UBE2D2: variants seen among roughly 807,000 people sequenced by gnomAD.
UBE2D2 encodes ubiquitin-conjugating enzyme E2 D2.
Under a neutral mutation model 24.2 loss-of-function variants are expected in UBE2D2, and 2 were observed. That is an observed-to-expected ratio of 0.08 (90% CI 0.03 to 0.26). The LOEUF is 0.26. Among genes scored for constraint, UBE2D2 ranks in the 10% least tolerant of loss-of-function variants. The probability of loss-of-function intolerance (pLI) is 1.00; values close to 1 mark genes in which losing one functional copy is unlikely to be tolerated. For missense variants in UBE2D2, 44 were observed against 177.6 expected (o/e 0.25, Z 4.28); for synonymous variants, 58 against 56.5 (o/e 1.03, Z -0.12).
At chr5:139,571,938 A>G (rs1223301856) in intron 1 of UBE2D2, among the ~76,000 whole-genome samples, 1 of 151,992 alleles carries the variant, frequency 6.6e-6, no homozygotes, top group East Asian at 1.9e-4. Flanking sequence ...ATAAAAAAAA[A>G]AAAAGCAGTA....
chr5:139,583,401 C>T (rs2126667705), intron 1 of UBE2D2, among the ~76,000 whole-genome samples: 1 of 152,208 alleles, frequency 6.6e-6, no homozygotes, highest in East Asian at 1.9e-4. Flanking sequence ...TCAATTTAGC[C>T]ATTCTACAAT....
intron 1 of UBE2D2, among the ~76,000 whole-genome samples, chr5:139,550,843 T>C (rs1752908372): frequency 1.3e-5 from 2 of 152,004 alleles, no homozygotes; most frequent in Non-Finnish European, 2.9e-5. Flanking sequence ...CGTCTGAACA[T>C]CAGAAAGAAC....
At chr5:139,576,529 C>A (rs547577452) in intron 1 of UBE2D2, among the ~76,000 whole-genome samples, 2 of 152,020 alleles carry the variant, frequency 1.3e-5, no homozygotes, top group African/African-American at 4.8e-5. Flanking sequence ...CCACCACGCC[C>A]GGCAAATTTT....
chr5:139,527,046 C>T (rs1373379368), intron 1 of UBE2D2, among the ~76,000 whole-genome samples: 1 of 152,008 alleles, frequency 6.6e-6, no homozygotes, highest in African/African-American at 2.4e-5. Context: ...AAGCCCACCC[C>T]ACTGGGAACT....
chr5:139,561,432 C>G lies in UBE2D2; in HGVS notation c.-360C>G, dbSNP rs1445891089. The stretch of plus-strand genomic sequence containing the variant: ...CAGGCAATCCCTCCGGCTGTCCGAC[C>G]AAGAGAGGCCGGCCGAGCCCGAGGC... On this transcript the variant is annotated 5_prime_UTR_variant, in exon 1 of 7. Transcript: ENST00000398733. 2.0e-5 allele frequency: 5 copies of G among 250,110 alleles called. No individual in the cohort carries two copies. Among genetic ancestry groups the G allele is most frequent in the Non-Finnish European group, 3.8e-5 (5 of 130,702 alleles). The allele number at this position is 250,110 out of a possible 1,614,324, so 15.5% of individuals were successfully genotyped here. A position where few individuals can be genotyped will look rare whatever the true frequency, so the allele number is the denominator to read the frequency against.
chr5:139,552,665 C>T (rs1168778508), intron 1 of UBE2D2, among the ~76,000 whole-genome samples: 4 of 142,180 alleles, frequency 2.8e-5, no homozygotes, highest in African/African-American at 7.7e-5. Flanking sequence ...TGTGCCACCA[C>T]GCTTGGCTAA....
At chr5:139,607,343 G>A (rs1463206483) in intron 2 of UBE2D2, among the ~76,000 whole-genome samples, 1 of 152,078 alleles carries the variant, frequency 6.6e-6, no homozygotes, top group African/African-American at 2.4e-5. Context: ...ATGGGTTTTA[G>A]TTTCTCTTTC....
rs188250596 is a variant in UBE2D2, at chr5:139,609,929, G to A, written c.89-4657G>A. ...TGGGATTACAGGCACCTGCCACTAC[G>A]CCCAGCTAATTTTTTGTATTTTCAG... is the stretch of plus-strand genomic sequence containing the variant. On this transcript the variant is annotated intron_variant, in intron 2 of 6. Coordinates refer to ENST00000398733, the MANE Select transcript of UBE2D2 (RefSeq NM_003339.3). Among the ~76,000 whole-genome samples, 8 of 151,418 alleles carry A rather than the reference G, an allele frequency of 5.3e-5. No individual in the cohort carries two copies. The East Asian group carries it at 5.9e-4, about 11-fold the overall frequency.
intron 1 of UBE2D2, among the ~76,000 whole-genome samples, chr5:139,550,176 C>G (rs187880541): frequency 2.0e-5 from 3 of 152,006 alleles, no homozygotes; most frequent in Non-Finnish European, 4.4e-5. Context: ...TGTAAACACA[C>G]CAGTCAGCAG....
At chr5:139,596,561 G>A (rs1360310144) in intron 1 of UBE2D2, among the ~76,000 whole-genome samples, 1 of 151,840 alleles carries the variant, frequency 6.6e-6, no homozygotes, top group African/African-American at 2.4e-5. Flanking sequence ...CAAAGTGCTG[G>A]GATTACAGGT....
chr5:139,598,306 T>C (rs1191399614), intron 1 of UBE2D2, among the ~76,000 whole-genome samples: 3 of 152,202 alleles, frequency 2.0e-5, no homozygotes, highest in South Asian at 2.1e-4. Flanking sequence ...TCTTAGACTT[T>C]ACTGTTTTTA....
chr5:139,550,399 AGACCAATCAGCTGTCTGTAAAATG>A (rs1456949780), intron 1 of UBE2D2, among the ~76,000 whole-genome samples: 1 of 152,154 alleles, frequency 6.6e-6, no homozygotes, highest in Non-Finnish European at 1.5e-5. Flanking sequence ...CTGTCAAAAC[AGACCAATCAGCTGTCTGTAAAATG>A]GACCAATCAG....
At chr5:139,544,711 G>C (rs545733278) in intron 1 of UBE2D2, among the ~76,000 whole-genome samples, 70 of 152,076 alleles carry the variant, frequency 4.6e-4, no homozygotes, top group African/African-American at 1.6e-3. Context: ...TAAGTGTGCA[G>C]CTCCTTTAAT....
chr5:139,595,947 G>A (rs1344242049), intron 1 of UBE2D2, among the ~76,000 whole-genome samples: 1 of 137,206 alleles, frequency 7.3e-6, no homozygotes, highest in Admixed American at 7.8e-5. Flanking sequence ...AGGCTGGAGT[G>A]CAGCGGTGAG....
upstream of UBE2D2, among the ~76,000 whole-genome samples, chr5:139,559,308 T>TC (rs1343210875): frequency 1.3e-5 from 2 of 151,496 alleles, no homozygotes; most frequent in African/African-American, 4.9e-5. Flanking sequence ...GTGCCTGTAG[T>TC]CCCAGCTACT....
At chr5:139,549,386 G>A (rs529720846) in intron 1 of UBE2D2, among the ~76,000 whole-genome samples, 63 of 152,304 alleles carry the variant, frequency 4.1e-4, no homozygotes, top group African/African-American at 1.4e-3. Context: ...CATGGCACTC[G>A]AGGGCCAGCG....
chr5:139,572,422 G>A (rs1459523631), intron 1 of UBE2D2, among the ~76,000 whole-genome samples: 2 of 151,988 alleles, frequency 1.3e-5, no homozygotes, highest in East Asian at 3.9e-4. Flanking sequence ...AATATAGCAA[G>A]ACCCTGTGTC....
chr5:139,599,873 G>C (rs1342635864), intron 1 of UBE2D2, among the ~76,000 whole-genome samples: 1 of 151,818 alleles, frequency 6.6e-6, no homozygotes, highest in Admixed American at 6.6e-5. Context: ...GTGCAATCTT[G>C]GCTTACTGCA....
intron 2 of UBE2D2, among the ~76,000 whole-genome samples, chr5:139,608,956 A>T (rs12513420): frequency 6.6e-6 from 1 of 151,680 alleles, no homozygotes; most frequent in African/African-American, 2.4e-5. Flanking sequence ...GTGTGGTGGC[A>T]CACACCTGTA....
Sources: gnomAD v4.1 joint callset for allele counts (sites outside exome capture counted in the v4.1 genomes callset) on GRCh38, gnomAD v4.1.1 for gene constraint, MANE v1.5 for transcripts, NCBI Gene and HGNC (gene_info 2026-07-23, HGNC 2026-07-21) for gene names.